Variants in COMMD1 observed in about 807,000 individuals in gnomAD.
COMMD1 encodes copper metabolism domain containing 1, also known as COMM domain-containing protein 1.
A neutral mutation model predicts 17.2 loss-of-function variants in COMMD1; 10 were observed. The ratio of observed to expected loss-of-function variants is 0.58; its 90% CI spans 0.36 to 0.99. COMMD1 has a LOEUF of 0.99. Among genes scored for constraint, COMMD1 ranks in the 50% least tolerant of loss-of-function variants. The probability of loss-of-function intolerance (pLI) is 0.01; values close to 1 mark genes in which losing one functional copy is unlikely to be tolerated. For missense variants in COMMD1, 270 were observed against 231.8 expected (o/e 1.17, Z -1.07); for synonymous variants, 97 against 91.6 (o/e 1.06, Z -0.34).
chr2:61,969,089 G>A (rs1432797977), intron 1 of COMMD1: 1 of 427,206 alleles, frequency 2.3e-6, no homozygotes, highest in Non-Finnish European at 4.7e-6. Context: ...CTCCTGAGCA[G>A]CTGGGACTAC....
intron 2 of COMMD1, among the ~76,000 whole-genome samples, chr2:62,106,477 T>A (rs1672327083): frequency 1.3e-5 from 2 of 152,206 alleles, no homozygotes; most frequent in African/African-American, 4.8e-5. Context: ...CCTTGCTGTG[T>A]GAATAGTAGA....
intron 2 of COMMD1, among the ~76,000 whole-genome samples, chr2:62,036,870 G>A (rs566217170): frequency 2.0e-5 from 3 of 152,240 alleles, no homozygotes; most frequent in African/African-American, 7.2e-5. Flanking sequence ...ATACTCTTGT[G>A]GTAGGACTTT....
intron 2 of COMMD1, among the ~76,000 whole-genome samples, chr2:62,120,071 C>T (rs1188602592): frequency 6.6e-6 from 1 of 152,204 alleles, no homozygotes; most frequent in Non-Finnish European, 1.5e-5. Context: ...GATCACAGCT[C>T]ACTACAGCCT....
intron 1 of COMMD1, among the ~76,000 whole-genome samples, chr2:61,923,603 A>G (rs927101358): frequency 6.6e-6 from 1 of 152,134 alleles, no homozygotes; most frequent in African/African-American, 2.4e-5. Flanking sequence ...GTTGAGTCCA[A>G]GGATACCAAG....
At chr2:62,049,925 T>A (rs1183524960) in intron 2 of COMMD1, among the ~76,000 whole-genome samples, 3 of 152,234 alleles carry the variant, frequency 2.0e-5, no homozygotes, top group Non-Finnish European at 4.4e-5. Context: ...TATTATCTGT[T>A]GTCAGTTTTA....
At chr2:62,065,326 T>C (rs532174982) in intron 2 of COMMD1, among the ~76,000 whole-genome samples, 38 of 150,086 alleles carry the variant, frequency 2.5e-4, no homozygotes, top group African/African-American at 9.3e-4. Flanking sequence ...AGTGACATTT[T>C]ATATGTACTT....
chr2:62,091,336 T>A (rs1246738019), intron 2 of COMMD1, among the ~76,000 whole-genome samples: 13 of 152,260 alleles, frequency 8.5e-5, no homozygotes. Context: ...TCATTAGTCA[T>A]GAACTCGGCT....
intron 1 of COMMD1, among the ~76,000 whole-genome samples, chr2:61,936,633 C>T (rs897846026): frequency 1.6e-4 from 25 of 152,122 alleles, no homozygotes; most frequent in Non-Finnish European, 3.5e-4. Context: ...AGGGTCTTGC[C>T]TTATTGCCCA....
chr2:61,970,076 A>G (rs141294854), intron 1 of COMMD1, among the ~76,000 whole-genome samples: 1 of 151,976 alleles, frequency 6.6e-6, no homozygotes, highest in East Asian at 1.9e-4. Flanking sequence ...GGCCAATATG[A>G]TGAAACCCCA....
upstream of COMMD1, chr2:61,888,551 G>C (rs930619000): frequency 1.3e-5 from 20 of 1,593,790 alleles, no homozygotes; most frequent in East Asian, 2.2e-5. Context: ...AGGACGGATG[G>C]ACCCGGATTC....
intron 2 of COMMD1, among the ~76,000 whole-genome samples, chr2:62,050,086 A>C (rs1670496618): frequency 6.6e-6 from 1 of 152,162 alleles, no homozygotes; most frequent in Non-Finnish European, 1.5e-5. Flanking sequence ...TGCAGATGAA[A>C]CACCTGGGAA....
At chr2:61,940,811 C>T (rs1347617671) in intron 1 of COMMD1, among the ~76,000 whole-genome samples, 19 of 151,586 alleles carry the variant, frequency 1.3e-4, no homozygotes, top group Admixed American at 2.6e-4. Flanking sequence ...CTCAGCCTCC[C>T]GAGTAGCTAG....
intron 1 of COMMD1, 108 bp downstream of exon 1, chr2:61,905,966 C>T (rs1669762402): frequency 2.8e-6 from 3 of 1,062,044 alleles, no homozygotes; most frequent in Non-Finnish European, 2.9e-6. Flanking sequence ...AAAGGCTTTT[C>T]CCTCTCAGAC....
intron 2 of COMMD1, among the ~76,000 whole-genome samples, chr2:62,037,452 G>T (rs1670071726): frequency 6.6e-6 from 1 of 152,152 alleles, no homozygotes; most frequent in East Asian, 1.9e-4. Context: ...GTATGTATGG[G>T]ATATAACTTT....
At chr2:62,119,813 T>C (rs781539500) in intron 2 of COMMD1, among the ~76,000 whole-genome samples, 3 of 152,194 alleles carry the variant, frequency 2.0e-5, no homozygotes, top group Non-Finnish European at 4.4e-5. Context: ...TTCAAATTCA[T>C]TGCTGATGCT....
chr2:62,092,145 G>T (rs556053682), intron 2 of COMMD1, among the ~76,000 whole-genome samples: 3 of 152,162 alleles, frequency 2.0e-5, no homozygotes, highest in Non-Finnish European at 4.4e-5. Context: ...AAATGAGAAT[G>T]AACAAGTAAA....
In COMMD1 at chr2:62,004,766, G is replaced by A. The variant is rs547512552; in HGVS notation, c.462+3784G>A. The stretch of plus-strand genomic sequence containing the variant: ...GGTTAGTACTTATGCCAGCTTCTAG[G>A]TTAGTGTTATTTATGAAATACTCTA... On this transcript the variant is annotated intron_variant, in intron 2 of 2. Coordinates refer to ENST00000311832, the MANE Select transcript of COMMD1 (RefSeq NM_152516.4). Among the ~76,000 whole-genome samples the A allele has an allele frequency of 1.3e-4, 20 of 152,232 alleles. No individual in the cohort carries two copies. In the South Asian group the frequency reaches 4.2e-3, roughly 32 times the overall value.
intron 1 of COMMD1, among the ~76,000 whole-genome samples, chr2:61,929,425 C>T (rs146212364): frequency 7.9e-5 from 12 of 152,296 alleles, no homozygotes; most frequent in East Asian, 3.9e-4. Flanking sequence ...AGGAACATCT[C>T]TCACTCTGAA....
chr2:62,105,173 A>T (rs1463745731), intron 2 of COMMD1, among the ~76,000 whole-genome samples: 1 of 151,872 alleles, frequency 6.6e-6, no homozygotes, highest in African/African-American at 2.4e-5. Context: ...ATATAACATA[A>T]TAGTAGATTG....
Sources: gnomAD v4.1 joint callset for allele counts (sites outside exome capture counted in the v4.1 genomes callset) on GRCh38, gnomAD v4.1.1 for gene constraint, MANE v1.5 for transcripts, NCBI Gene and HGNC (gene_info 2026-07-23, HGNC 2026-07-21) for gene names.